TRPM7: variants seen among roughly 807,000 people sequenced by gnomAD.
TRPM7 encodes the protein transient receptor potential cation channel subfamily M member 7.
A neutral mutation model predicts 229.7 loss-of-function variants in TRPM7; 134 were observed. That is an observed-to-expected ratio of 0.58 (90% CI 0.51 to 0.67). The LOEUF is 0.67. Among genes scored for constraint, TRPM7 ranks in the 30% least tolerant of loss-of-function variants. TRPM7 has a pLI of 0.00. For synonymous variants in TRPM7, 699 were observed against 715.2 expected, an observed-to-expected ratio of 0.98 and a Z score of 0.36; for missense variants, 1,901 against 2,210.0, an observed-to-expected ratio of 0.86 and a Z score of 2.80.
chr15:50,662,863 G>A (rs921250496), intron 2 of TRPM7, 104 bp downstream of exon 2: 2 of 835,364 alleles, frequency 2.4e-6, no homozygotes, highest in African/African-American at 1.7e-5. Context: ...GTAACAGTAA[G>A]TACAAATAAT....
Position 50,591,947 on chromosome 15 carries a change from T to G in TRPM7, c.4288A>C (p.Thr1430Pro). ...KDQETVCSKA[T>P]EGDNTEFGAF... ...CCAAATTCTGTATTATCTCCTTCTGTAGCTTTAGAGCAAACAGTTTCTTGA... is the reference window on the plus strand; with the variant it reads ...CCAAATTCTGTATTATCTCCTTCTGGAGCTTTAGAGCAAACAGTTTCTTGA... The change falls in exon 26 of 39, where the codon ACA (threonine) becomes CCA (proline). Residue 1430 changes from threonine (T) to proline (P), a missense_variant. Transcript: ENST00000646667. 1.9e-6 allele frequency: 3 copies of G among 1,590,660 alleles called. No homozygotes were observed. The highest frequency in any genetic ancestry group is 2.6e-6 in the Non-Finnish European group (3 of 1,173,566).
At chr15:50,571,730 GC>G (rs57968058) in intron 36 of TRPM7, among the ~76,000 whole-genome samples, 52,237 of 151,998 alleles carry the variant, frequency 0.34, 10,348 homozygotes, top group Admixed American at 0.48. Flanking sequence ...TTTATATATT[GC>G]TACATTGTTT....
At chr15:50,657,949 G>A in intron 2 of TRPM7, 130 bp from the exon 3 acceptor site, 1 of 590,972 alleles carries the variant, frequency 1.7e-6, no homozygotes, top group Non-Finnish European at 3.0e-6. Flanking sequence ...AGATATTATA[G>A]TTCACGTATA....
intron 20 of TRPM7, among the ~76,000 whole-genome samples, chr15:50,605,841 AAC>A (rs1395717390): frequency 1.3e-5 from 2 of 152,256 alleles, no homozygotes; most frequent in Non-Finnish European, 2.9e-5. Context: ...CTGATAAAAC[AAC>A]AGATTTAATA....
chr15:50,684,196 A>T (rs1261139783), intron 1 of TRPM7, among the ~76,000 whole-genome samples: 1 of 148,936 alleles, frequency 6.7e-6, no homozygotes, highest in Non-Finnish European at 1.5e-5. Context: ...TCTGTCACCC[A>T]GGCTGTAGTG....
intron 10 of TRPM7, among the ~76,000 whole-genome samples, chr15:50,630,290 T>C (rs2060693948): frequency 6.6e-6 from 1 of 152,186 alleles, no homozygotes; most frequent in Non-Finnish European, 1.5e-5. Flanking sequence ...CACAGTATTT[T>C]AAAAATGCTT....
In TRPM7 at chr15:50,558,890, C is replaced by CTTT; in HGVS notation, c.*2785_*2787dup. ...CCTGGGCAACAGAGCAAGAGGTTGT[C>CTTT]TTTTTTTTTTTTTTCTTTCTGAGAC... On this transcript the variant is annotated 3_prime_UTR_variant, in exon 39 of 39. Transcript: ENST00000646667. 1 of 141,100 alleles carries CTTT rather than the reference C, an allele frequency of 7.1e-6. No individual in the cohort carries two copies. Among genetic ancestry groups the CTTT allele is most frequent in the Non-Finnish European group, 1.6e-5 (1 of 64,236 alleles). The allele number at this position is 141,100 out of a possible 1,614,324, so 8.7% of individuals were successfully genotyped here. A position where few individuals can be genotyped will look rare whatever the true frequency, so the allele number is the denominator to read the frequency against.
At chr15:50,634,630 C>T in intron 7 of TRPM7, 74 bp from the exon 8 acceptor site, 1 of 1,093,422 alleles carries the variant, frequency 9.1e-7, no homozygotes, top group Non-Finnish European at 1.2e-6. Flanking sequence ...AAAAATTAGG[C>T]AAAATTCAGT....
At position 50,639,021 on chromosome 15, in the gene TRPM7, T is replaced by G. The variant is rs527568195; in HGVS notation, c.660+403A>C. Among the ~76,000 whole-genome samples the G allele has an allele frequency of 3.3e-5, 5 of 152,306 alleles. No individual in the cohort carries two copies. In the South Asian group the frequency reaches 1.0e-3, roughly 32 times the overall value. ...AGTGTTGATAAATATCTATAACCAA[T>G]TCACATGTCTTTAACCTATTCAAAC... On this transcript the variant is annotated intron_variant, in intron 6 of 38. Coordinates refer to ENST00000646667, the MANE Select transcript of TRPM7 (RefSeq NM_017672.6).
chr15:50,657,869 G>A, intron 2 of TRPM7, 50 bp from the exon 3 acceptor site: 1 of 1,481,634 alleles, frequency 6.7e-7, no homozygotes, highest in Non-Finnish European at 9.3e-7. Flanking sequence ...AAAACTTTCT[G>A]ATTTTAAAGT....
rs888518214 is a variant in TRPM7, at chr15:50,620,087, C to T, written c.1441-289G>A. Among the ~76,000 whole-genome samples, 14 of 152,158 alleles carry T rather than the reference C, an allele frequency of 9.2e-5. 1 individual carries two copies. The highest frequency in any genetic ancestry group is 3.1e-4 in the African/African-American group (13 of 41,516). ...TTTACATTTCTTTCATTGATAATGGCGCTGTACAATACCTTTCTTCTTGTT... is the reference window on the plus strand; with the variant it reads ...TTTACATTTCTTTCATTGATAATGGTGCTGTACAATACCTTTCTTCTTGTT... On this transcript the variant is annotated intron_variant, in intron 12 of 38. Coordinates refer to ENST00000646667, the MANE Select transcript of TRPM7 (RefSeq NM_017672.6).
chr15:50,641,074 T>C (rs1315714525), intron 5 of TRPM7, among the ~76,000 whole-genome samples: 1 of 152,196 alleles, frequency 6.6e-6, no homozygotes, highest in Non-Finnish European at 1.5e-5. Context: ...TCACCCAAAT[T>C]ATGAAAATAG....
chr15:50,569,740 C>A, intron 38 of TRPM7, 147 bp downstream of exon 38: 3 of 476,076 alleles, frequency 6.3e-6, no homozygotes, highest in Non-Finnish European at 7.5e-6. Context: ...CATTTATAAC[C>A]AACAATATGT....
chr15:50,575,576 A>C (rs1025452594), intron 33 of TRPM7, 148 bp downstream of exon 33: 1 of 680,368 alleles, frequency 1.5e-6, no homozygotes, highest in African/African-American at 1.8e-5. Flanking sequence ...CTATTCAAAC[A>C]TACCTCACCC....
At chr15:50,669,126 A>G (rs961601866) in intron 1 of TRPM7, among the ~76,000 whole-genome samples, 2 of 152,124 alleles carry the variant, frequency 1.3e-5, no homozygotes, top group African/African-American at 4.8e-5. Flanking sequence ...TTGAGGGTAC[A>G]AACCCACAGC....
intron 13 of TRPM7, among the ~76,000 whole-genome samples, chr15:50,615,163 CAAAAAAAAA>C (rs71124383): frequency 3.2e-5 from 3 of 94,576 alleles, no homozygotes; most frequent in East Asian, 2.7e-4. Context: ...GACTTTGTCT[CAAAAAAAAA>C]AAAAAAAAAA....
intron 1 of TRPM7, among the ~76,000 whole-genome samples, chr15:50,678,935 G>A (rs60837548): frequency 0.03 from 4,596 of 152,216 alleles, 249 homozygotes; most frequent in African/African-American, 0.11. Flanking sequence ...GTGCAATGGC[G>A]TGATCTCAGC....
At chr15:50,572,538 T>C (rs924550815) in intron 36 of TRPM7, among the ~76,000 whole-genome samples, 8 of 152,256 alleles carry the variant, frequency 5.3e-5, no homozygotes, top group Non-Finnish European at 1.2e-4. Context: ...CTTTTATATG[T>C]ACTGCAAATC....
chr15:50,578,574 G>A, intron 31 of TRPM7, 65 bp downstream of exon 31: 5 of 1,485,256 alleles, frequency 3.4e-6, no homozygotes, highest in East Asian at 2.3e-5. Context: ...ATAATGTGGT[G>A]TTTGCTGTAA....
Sources: gnomAD v4.1 joint callset for allele counts (sites outside exome capture counted in the v4.1 genomes callset) on GRCh38, gnomAD v4.1.1 for gene constraint, MANE v1.5 for transcripts, NCBI Gene and HGNC (gene_info 2026-07-23, HGNC 2026-07-21) for gene names.